The following ABTB3 variants were observed in gnomAD, a reference collection of about 807,000 sequenced individuals.
ABTB3 encodes ankyrin repeat and BTB domain containing 3.
chr12:107,570,737 C>T, the ABTB3 span, among the ~76,000 whole-genome samples: 1 of 151,970 alleles, frequency 6.6e-6, no homozygotes, highest in Non-Finnish European at 1.5e-5. Context: ...AGTTTTATTC[C>T]AGAAGTTGCA....
At chr12:107,477,270 T>G in the ABTB3 span, among the ~76,000 whole-genome samples, 3 of 152,040 alleles carry the variant, frequency 2.0e-5, no homozygotes, top group African/African-American at 7.3e-5. Context: ...TGATACAGAG[T>G]TCAATGGGCG....
At chr12:107,320,478 T>C in the ABTB3 span, 1 of 431,640 alleles carries the variant, frequency 2.3e-6, no homozygotes, top group South Asian at 1.7e-5. Flanking sequence ...TGAATTGGGC[T>C]CCCTAGGACT....
chr12:107,551,181 T>A, the ABTB3 span, among the ~76,000 whole-genome samples: 3 of 152,258 alleles, frequency 2.0e-5, no homozygotes, highest in East Asian at 5.8e-4. Context: ...TCTGGCTCAT[T>A]TTGCAGTCCC....
the ABTB3 span, among the ~76,000 whole-genome samples, chr12:107,539,850 T>C: frequency 6.6e-6 from 1 of 152,220 alleles, no homozygotes; most frequent in Non-Finnish European, 1.5e-5. Flanking sequence ...AGATTTGAAC[T>C]CTTTCCTCTG....
chr12:107,319,760 C>G, the ABTB3 span: 1 of 1,503,570 alleles, frequency 6.7e-7, no homozygotes, highest in Non-Finnish European at 8.9e-7. Context: ...CGGCCCAGGC[C>G]CGAGCTCGGG....
At chr12:107,551,979 T>C in the ABTB3 span, among the ~76,000 whole-genome samples, 1 of 152,238 alleles carries the variant, frequency 6.6e-6, no homozygotes, top group Non-Finnish European at 1.5e-5. Context: ...CTCAAACTCC[T>C]GACCTCGGGT....
the ABTB3 span, among the ~76,000 whole-genome samples, chr12:107,564,771 G>T: frequency 6.6e-6 from 1 of 152,268 alleles, no homozygotes; most frequent in Admixed American, 6.5e-5. Flanking sequence ...GATTTAGACA[G>T]TGGAGTCCAC....
chr12:107,507,135 G>A, the ABTB3 span, among the ~76,000 whole-genome samples: 3 of 152,148 alleles, frequency 2.0e-5, no homozygotes, highest in Non-Finnish European at 4.4e-5. Flanking sequence ...GGGAATCAGA[G>A]GGTCAGTCTG....
chr12:107,487,346 T>C, the ABTB3 span, among the ~76,000 whole-genome samples: 1 of 152,158 alleles, frequency 6.6e-6, no homozygotes, highest in Admixed American at 6.5e-5. Context: ...ACCTGTGCCC[T>C]TTCTTCTTTC....
At chr12:107,320,129 C>T in the ABTB3 span, 274 of 1,365,026 alleles carry the variant, frequency 2.0e-4, no homozygotes, top group Non-Finnish European at 2.6e-4. Context: ...CAACTCTTGG[C>T]GCAAGTTTGC....
At chr12:107,573,799 C>G in the ABTB3 span, among the ~76,000 whole-genome samples, 1 of 152,168 alleles carries the variant, frequency 6.6e-6, no homozygotes, top group Non-Finnish European at 1.5e-5. Context: ...TTTCTCTTGA[C>G]GCCTCCAACT....
chr12:107,445,862 C>T, the ABTB3 span, among the ~76,000 whole-genome samples: 1 of 128,296 alleles, frequency 7.8e-6, no homozygotes. Flanking sequence ...ATCTCCAAAT[C>T]TCCCTCTCCC....
At chr12:107,482,978 T>C in the ABTB3 span, among the ~76,000 whole-genome samples, 5 of 26,152 alleles carry the variant, frequency 1.9e-4, no homozygotes, top group African/African-American at 5.9e-4. Flanking sequence ...CTTTCTTTCT[T>C]TCTTTCTTTC....
the ABTB3 span, among the ~76,000 whole-genome samples, chr12:107,364,813 A>G: frequency 6.6e-6 from 1 of 152,194 alleles, no homozygotes; most frequent in South Asian, 2.1e-4. Flanking sequence ...TGTAAGTGCA[A>G]GCTATTGTTG....
chr12:107,526,022 T>A, the ABTB3 span, among the ~76,000 whole-genome samples: 2 of 152,224 alleles, frequency 1.3e-5, no homozygotes, highest in Admixed American at 1.3e-4. Context: ...ATCAGCTTTG[T>A]ATTGTGAGCA....
chr12:107,628,079 ACTC>A, the ABTB3 span, among the ~76,000 whole-genome samples: 3 of 151,638 alleles, frequency 2.0e-5, no homozygotes, highest in South Asian at 2.1e-4. Flanking sequence ...AGGTGTGCTC[ACTC>A]CTCATAACGC....
the ABTB3 span, among the ~76,000 whole-genome samples, chr12:107,466,662 T>G: frequency 6.6e-6 from 1 of 152,058 alleles, no homozygotes; most frequent in African/African-American, 2.4e-5. Flanking sequence ...TTTGGACTTC[T>G]GCATGGGGTT....
At chr12:107,445,918 T>C in the ABTB3 span, among the ~76,000 whole-genome samples, 8 of 122,214 alleles carry the variant, frequency 6.5e-5, no homozygotes, top group South Asian at 1.6e-3. Context: ...TGTCTTCCCA[T>C]CTCCTCTGTC....
At chr12:107,656,676 A>T in the ABTB3 span, among the ~76,000 whole-genome samples, 1 of 152,266 alleles carries the variant, frequency 6.6e-6, no homozygotes, top group Non-Finnish European at 1.5e-5. Flanking sequence ...TTATCAATGT[A>T]GCTATATATT....
Sources: allele counts gnomAD v4.1 joint callset (sites outside exome capture counted in the v4.1 genomes callset), GRCh38; gene constraint gnomAD v4.1.1; transcripts MANE v1.5; gene names NCBI Gene and HGNC (gene_info 2026-07-23, HGNC 2026-07-21).